The following KCNIP1 variants were observed in gnomAD, a reference collection of about 807,000 sequenced individuals.
The protein encoded by KCNIP1 is A-type potassium channel modulatory protein KCNIP1.
KCNIP1 carries 18 observed loss-of-function variants against 33.0 expected under a neutral mutation model. The observed-to-expected ratio is 0.55, with a 90% confidence interval of 0.38 to 0.81. The LOEUF is 0.81. KCNIP1 is among the 30% of genes least tolerant of loss of function. KCNIP1 has a pLI of 0.00. For synonymous variants in KCNIP1, 93 were observed against 98.3 expected (o/e 0.95, Z 0.32); for missense variants, 238 against 271.6 (o/e 0.88, Z 0.87).
chr5:170,585,613 C>G (rs1052934066), intron 1 of KCNIP1, among the ~76,000 whole-genome samples: 17 of 152,196 alleles, frequency 1.1e-4, no homozygotes, highest in African/African-American at 3.9e-4. Flanking sequence ...TCTCACCCCC[C>G]GCCCCGGAAA....
intron 1 of KCNIP1, among the ~76,000 whole-genome samples, chr5:170,372,554 A>G (rs1475652356): frequency 2.0e-5 from 3 of 152,076 alleles, no homozygotes; most frequent in Admixed American, 2.0e-4. Flanking sequence ...GAAGCTATTT[A>G]CAGGCCCACC....
chr5:170,505,985 G>A (rs1445494279), intron 1 of KCNIP1, among the ~76,000 whole-genome samples: 2 of 152,222 alleles, frequency 1.3e-5, no homozygotes, highest in Admixed American at 6.5e-5. Context: ...CCAAGGCCTT[G>A]ACATTCTAAG....
chr5:170,721,589 CAGG>C (rs1763826656), intron 3 of KCNIP1, among the ~76,000 whole-genome samples: 1 of 152,238 alleles, frequency 6.6e-6, no homozygotes, highest in Middle Eastern at 3.4e-3. Flanking sequence ...CATAGACAGG[CAGG>C]AGAATGGTTT....
intron 1 of KCNIP1, among the ~76,000 whole-genome samples, chr5:170,707,818 A>G (rs565831202): frequency 6.6e-6 from 1 of 152,098 alleles, no homozygotes; most frequent in Non-Finnish European, 1.5e-5. Context: ...TTTTCAGGAC[A>G]CTTTCAGGAC....
rs572090596 is a variant in KCNIP1 at position 170,641,785 on chromosome 5, A to G, written c.62-76973A>G. On this transcript the variant is annotated intron_variant, in intron 1 of 7. Coordinates refer to ENST00000328939, the MANE Select transcript of KCNIP1 (RefSeq NM_014592.4). ...ACGATCTACGACATTGGCTTCAAAG[A>G]GCTGCTCCTGGCAGCTTCGAATGGC... Among the ~76,000 whole-genome samples, 7 of 152,250 alleles carry G rather than the reference A, an allele frequency of 4.6e-5. No homozygotes were observed. The East Asian group carries it at 1.4e-3, about 29-fold the overall frequency.
chr5:170,474,445 A>G (rs1756805373), intron 1 of KCNIP1, among the ~76,000 whole-genome samples: 1 of 152,162 alleles, frequency 6.6e-6, no homozygotes, highest in African/African-American at 2.4e-5. Context: ...GTCTTATGTA[A>G]ATTTAATTTA....
chr5:170,666,637 G>A (rs1470545071), intron 1 of KCNIP1, among the ~76,000 whole-genome samples: 2 of 152,218 alleles, frequency 1.3e-5, no homozygotes, highest in African/African-American at 4.8e-5. Flanking sequence ...ACATTTTGGG[G>A]TATTTTCATC....
At chr5:170,681,270 G>C in intron 1 of KCNIP1, 1 of 396,604 alleles carries the variant, frequency 2.5e-6, no homozygotes, top group East Asian at 3.6e-5. Context: ...ACGGAAATGA[G>C]GGCGGAGACC....
chr5:170,360,535 G>C (rs1054070804), intron 1 of KCNIP1, among the ~76,000 whole-genome samples: 2 of 152,122 alleles, frequency 1.3e-5, no homozygotes, highest in Non-Finnish European at 2.9e-5. Flanking sequence ...TCTATGATAC[G>C]ACCTTGGATT....
intron 1 of KCNIP1, chr5:170,375,356 C>T (rs1468523104): frequency 6.6e-6 from 1 of 152,232 alleles, no homozygotes; most frequent in Admixed American, 6.5e-5. Context: ...GAAGGAAGGT[C>T]CACCAGGTAA....
At chr5:170,512,417 C>T (rs975086803) in intron 1 of KCNIP1, among the ~76,000 whole-genome samples, 1 of 152,194 alleles carries the variant, frequency 6.6e-6, no homozygotes, top group Admixed American at 6.5e-5. Context: ...CACATGTTGG[C>T]CCAAATCACC....
chr5:170,422,608 A>C (rs1755522234), intron 1 of KCNIP1: 1 of 152,212 alleles, frequency 6.6e-6, no homozygotes, highest in South Asian at 2.1e-4. Flanking sequence ...CCCCGTTAAT[A>C]GGCAAAAATT....
intron 1 of KCNIP1, among the ~76,000 whole-genome samples, chr5:170,362,085 C>T (rs560711267): frequency 6.6e-6 from 1 of 152,314 alleles, no homozygotes; most frequent in Admixed American, 6.5e-5. Context: ...TGCCATGTGC[C>T]CAGCATTGCC....
intron 1 of KCNIP1, among the ~76,000 whole-genome samples, chr5:170,659,230 C>A (rs538683325): frequency 2.6e-5 from 4 of 152,210 alleles, no homozygotes; most frequent in African/African-American, 9.6e-5. Context: ...CTCACTAGGA[C>A]TTCACAGCAT....
intron 1 of KCNIP1, among the ~76,000 whole-genome samples, chr5:170,437,365 G>C (rs1755890062): frequency 6.6e-6 from 1 of 152,146 alleles, no homozygotes; most frequent in South Asian, 2.1e-4. Context: ...GGCAGATCTG[G>C]GACAGTGTGT....
At chr5:170,712,246 C>T (rs1763474237) in intron 1 of KCNIP1, among the ~76,000 whole-genome samples, 1 of 152,222 alleles carries the variant, frequency 6.6e-6, no homozygotes, top group African/African-American at 2.4e-5. Flanking sequence ...TCTTCTGCAA[C>T]TACCCTTTTC....
At chr5:170,514,609 A>G (rs1755058929) in intron 1 of KCNIP1, among the ~76,000 whole-genome samples, 1 of 152,206 alleles carries the variant, frequency 6.6e-6, no homozygotes, top group Non-Finnish European at 1.5e-5. Context: ...AAGTCTGCCA[A>G]ATTTGGATTT....
chr5:170,708,850 G>A (rs1163257182), intron 1 of KCNIP1, among the ~76,000 whole-genome samples: 1 of 152,174 alleles, frequency 6.6e-6, no homozygotes, highest in Non-Finnish European at 1.5e-5. Flanking sequence ...AGTGAGTGGA[G>A]ATCACACCAG....
chr5:170,367,360 A>G (rs140540628), intron 1 of KCNIP1, among the ~76,000 whole-genome samples: 4,890 of 78,844 alleles, frequency 0.062, 111 homozygotes, highest in East Asian at 0.096. Flanking sequence ...AAAGAAAGAA[A>G]GAAAGAAAGA....
Sources: gnomAD v4.1 joint callset for allele counts (sites outside exome capture counted in the v4.1 genomes callset) on GRCh38, gnomAD v4.1.1 for gene constraint, MANE v1.5 for transcripts, NCBI Gene and HGNC (gene_info 2026-07-23, HGNC 2026-07-21) for gene names.